MSRA: variants seen among roughly 807,000 people sequenced by gnomAD.
MSRA encodes mitochondrial peptide methionine sulfoxide reductase.
Under a neutral mutation model 31.3 loss-of-function variants are expected in MSRA, and 54 were observed. The ratio of observed to expected loss-of-function variants is 1.73; its 90% CI spans 1.39 to 2.17. The LOEUF is 2.17. Among genes scored for constraint, MSRA ranks in the 30% most tolerant of loss-of-function variants. MSRA has a pLI of 0.00. For missense variants in MSRA, 507 were observed against 300.9 expected, an observed-to-expected ratio of 1.69 and a Z score of -5.07; for synonymous variants, 169 against 116.5, an observed-to-expected ratio of 1.45 and a Z score of -2.90.
intron 5 of MSRA, among the ~76,000 whole-genome samples, chr8:10,330,414 A>G (rs1346102917): frequency 6.6e-6 from 1 of 152,222 alleles, no homozygotes; most frequent in African/African-American, 2.4e-5. Flanking sequence ...CAAGAGGTAT[A>G]TACAGATCCT....
intron 5 of MSRA, among the ~76,000 whole-genome samples, chr8:10,335,599 A>C (rs2129146792): frequency 6.6e-6 from 1 of 152,274 alleles, no homozygotes; most frequent in African/African-American, 2.4e-5. Context: ...CTGGTCAAAC[A>C]GGTGTGGAGA....
Position 10,127,275 on chromosome 8 carries a change from G to A in MSRA, c.142+72617G>A, listed in dbSNP as rs117789571. 3.7e-4 allele frequency among the ~76,000 whole-genome samples: 57 copies of A among 152,210 alleles called. No individual in the cohort carries two copies. The East Asian group carries it at 0.011, about 29-fold the overall frequency. ...TATTTGTATCCTACTCAGGGTCATC[G>A]CCAAGGTCTGTTTGCAAAAATTCAA... is the stretch of plus-strand genomic sequence containing the variant. On this transcript the variant is annotated intron_variant, in intron 1 of 5. Transcript: ENST00000317173.
intron 1 of MSRA, among the ~76,000 whole-genome samples, chr8:10,177,228 C>T (rs1806132236): frequency 6.6e-6 from 1 of 152,144 alleles, no homozygotes; most frequent in South Asian, 2.1e-4. Flanking sequence ...TCACAGAATT[C>T]AGGACAGACA....
Position 10,257,186 on chromosome 8 carries a change from C to T in MSRA, c.331+11963C>T, listed in dbSNP as rs769884751. ...CATCAGGGGTGGCCAGGAATGGGCA[C>T]GTACAGACAGAAGCATTCAAGTGAC... On this transcript the variant is annotated intron_variant, in intron 3 of 5. Coordinates refer to ENST00000317173, the MANE Select transcript of MSRA (RefSeq NM_012331.5). 2.9e-4 allele frequency among the ~76,000 whole-genome samples: 44 copies of T among 152,004 alleles called. 1 individual carries two copies. The highest frequency in any genetic ancestry group is 4.6e-4 in the African/African-American group (19 of 41,440).
intron 5 of MSRA, among the ~76,000 whole-genome samples, chr8:10,354,136 T>G (rs2129160703): frequency 6.6e-6 from 1 of 152,340 alleles, no homozygotes; most frequent in African/African-American, 2.4e-5. Flanking sequence ...TGGTTAGCAT[T>G]AGAGTTTAAG....
chr8:10,090,313 A>G (rs1342724752), intron 1 of MSRA, among the ~76,000 whole-genome samples: 1 of 152,194 alleles, frequency 6.6e-6, no homozygotes, highest in Non-Finnish European at 1.5e-5. Flanking sequence ...GTTTGGATGG[A>G]ATCAGGAATG....
intron 5 of MSRA, among the ~76,000 whole-genome samples, chr8:10,370,169 C>T (rs1283918934): frequency 6.6e-6 from 1 of 152,172 alleles, no homozygotes; most frequent in Non-Finnish European, 1.5e-5. Context: ...AAGCCTGGTT[C>T]ATTAGTTCCT....
intron 5 of MSRA, among the ~76,000 whole-genome samples, chr8:10,397,623 C>G (rs535549334): frequency 2.0e-5 from 3 of 152,312 alleles, no homozygotes; most frequent in South Asian, 2.1e-4. Flanking sequence ...GGCCTGGCAC[C>G]TAACAGGTGA....
At chr8:10,410,690 TCTCCTGGAGAA>T (rs1238008717) in intron 5 of MSRA, among the ~76,000 whole-genome samples, 19 of 152,064 alleles carry the variant, frequency 1.2e-4, no homozygotes, top group Admixed American at 6.5e-4. Context: ...GCAAACATGA[TCTCCTGGAGAA>T]CTCCTGGAGA....
chr8:10,126,608 G>A (rs997906518), intron 1 of MSRA, among the ~76,000 whole-genome samples: 2 of 152,164 alleles, frequency 1.3e-5, no homozygotes, highest in Non-Finnish European at 2.9e-5. Context: ...TGCCTCCTGG[G>A]TTCAAGCAAT....
intron 5 of MSRA, among the ~76,000 whole-genome samples, chr8:10,335,932 C>T (rs1414476215): frequency 6.6e-6 from 1 of 152,124 alleles, no homozygotes; most frequent in Non-Finnish European, 1.5e-5. Flanking sequence ...CATGGGGGAG[C>T]CCAGGATGCA....
intron 1 of MSRA, among the ~76,000 whole-genome samples, chr8:10,097,559 G>A (rs541942997): frequency 3.9e-4 from 59 of 152,164 alleles, no homozygotes; most frequent in South Asian, 6.2e-4. Context: ...TCTTATTGCC[G>A]ATTTATATTT....
chr8:10,091,551 T>C (rs539098790), intron 1 of MSRA, among the ~76,000 whole-genome samples: 2 of 152,254 alleles, frequency 1.3e-5, no homozygotes, highest in African/African-American at 4.8e-5. Context: ...TTCAGTATAC[T>C]GATTTCATTT....
At chr8:10,226,960 G>C (rs1345956000) in intron 2 of MSRA, among the ~76,000 whole-genome samples, 1 of 152,140 alleles carries the variant, frequency 6.6e-6, no homozygotes, top group African/African-American at 2.4e-5. Flanking sequence ...GCAGCTGGGA[G>C]AACTGTGCTG....
At chr8:10,224,182 C>G (rs1406862830) in intron 2 of MSRA, among the ~76,000 whole-genome samples, 1 of 152,186 alleles carries the variant, frequency 6.6e-6, no homozygotes, top group African/African-American at 2.4e-5. Context: ...CAAACCAGTT[C>G]TTTTTGTGGT....
At position 10,291,736 on chromosome 8, in the gene MSRA, G is replaced by C. The variant is rs535957412; in HGVS notation, c.332-9798G>C. On this transcript the variant is annotated intron_variant, in intron 3 of 5. Coordinates refer to ENST00000317173, the MANE Select transcript of MSRA (RefSeq NM_012331.5). ...GCTCTTTGATTTGGTTTAACGGTTT[G>C]GATAAGTCTGGCTGGCAGGGAAAGG... 2.0e-5 allele frequency among the ~76,000 whole-genome samples: 3 copies of C among 152,182 alleles called. No individual in the cohort carries two copies. The East Asian group carries it at 5.8e-4, about 29-fold the overall frequency.
At chr8:10,127,146 G>A (rs1801561929) in intron 1 of MSRA, among the ~76,000 whole-genome samples, 1 of 152,176 alleles carries the variant, frequency 6.6e-6, no homozygotes, top group Non-Finnish European at 1.5e-5. Flanking sequence ...GGTCCTCTCT[G>A]TAGGATATCT....
intron 2 of MSRA, among the ~76,000 whole-genome samples, chr8:10,215,103 G>C (rs989568293): frequency 3.9e-5 from 6 of 152,230 alleles, no homozygotes; most frequent in African/African-American, 7.2e-5. Flanking sequence ...CATTGTAGAG[G>C]GGAGTAAGTT....
chr8:10,168,659 C>G (rs1805348943), intron 1 of MSRA, among the ~76,000 whole-genome samples: 1 of 152,166 alleles, frequency 6.6e-6, no homozygotes, highest in Non-Finnish European at 1.5e-5. Flanking sequence ...CCCAATGTCA[C>G]ATAGCTAGTA....
Sources: gnomAD v4.1 joint callset for allele counts (sites outside exome capture counted in the v4.1 genomes callset) on GRCh38, gnomAD v4.1.1 for gene constraint, MANE v1.5 for transcripts, NCBI Gene and HGNC (gene_info 2026-07-23, HGNC 2026-07-21) for gene names.